The following VPS41 variants were observed in gnomAD, a reference collection of about 807,000 sequenced individuals.
VPS41 encodes the protein vacuolar protein sorting-associated protein 41 homolog.
A neutral mutation model predicts 130.9 loss-of-function variants in VPS41; 85 were observed. The observed-to-expected ratio is 0.65, with a 90% confidence interval of 0.55 to 0.78. The LOEUF is 0.78. VPS41 is among the 30% of genes least tolerant of loss of function. The pLI is 0.00. For missense variants in VPS41, 874 were observed against 1,018.7 expected, an observed-to-expected ratio of 0.86 and a Z score of 1.93; for synonymous variants, 335 against 332.9, an observed-to-expected ratio of 1.01 and a Z score of -0.07.
At chr7:38,764,940 G>A (rs948147997) in intron 16 of VPS41, among the ~76,000 whole-genome samples, 2 of 152,136 alleles carry the variant, frequency 1.3e-5, no homozygotes, top group Non-Finnish European at 2.9e-5. Flanking sequence ...TAAACCCAAT[G>A]AGAAGTGTAA....
intron 4 of VPS41, among the ~76,000 whole-genome samples, chr7:38,855,949 A>T (rs1392510687): frequency 6.6e-6 from 1 of 152,154 alleles, no homozygotes; most frequent in African/African-American, 2.4e-5. Context: ...AAATTCTCCT[A>T]GTTTTGGAGA....
At chr7:38,850,136 T>C (rs2116260060) in intron 4 of VPS41, among the ~76,000 whole-genome samples, 1 of 152,386 alleles carries the variant, frequency 6.6e-6, no homozygotes, top group Non-Finnish European at 1.5e-5. Flanking sequence ...AAACTTTCTA[T>C]GCCTTCCACC....
chr7:38,821,269 C>A lies in VPS41; in HGVS notation c.322-4G>T. On this transcript the variant is annotated splice_polypyrimidine_tract_variant and splice_region_variant and intron_variant, in intron 5 of 28. Transcript: ENST00000310301. ...AATACAGTCCAAATACCTGCACCTA[C>A]AAAGAAAATGGATTGTATCAGCTCA... is the stretch of plus-strand genomic sequence containing the variant. The A allele has an allele frequency of 6.2e-7, 1 of 1,612,136 alleles. No individual in the cohort carries two copies. The highest frequency in any genetic ancestry group is 8.5e-7 in the Non-Finnish European group (1 of 1,178,502).
chr7:38,746,794 ACCTGCCTCTG>A (rs1795993650), intron 22 of VPS41, among the ~76,000 whole-genome samples: 1 of 152,088 alleles, frequency 6.6e-6, no homozygotes, highest in Admixed American at 6.6e-5. Flanking sequence ...GTGCAGCTTC[ACCTGCCTCTG>A]CTCACCTCTC....
At chr7:38,784,153 T>C (rs1784398513) in intron 10 of VPS41, among the ~76,000 whole-genome samples, 1 of 152,230 alleles carries the variant, frequency 6.6e-6, no homozygotes, top group Non-Finnish European at 1.5e-5. Context: ...TAATGAACAT[T>C]ACTATGCTGT....
chr7:38,791,984 C>T (rs772744647), intron 9 of VPS41, among the ~76,000 whole-genome samples: 12 of 152,070 alleles, frequency 7.9e-5, no homozygotes, highest in Non-Finnish European at 1.5e-4. Context: ...TATGTTTAAT[C>T]CAGAGATGAG....
At chr7:38,754,520 C>CAG (rs1299441298) in intron 21 of VPS41, among the ~76,000 whole-genome samples, 182 bp downstream of exon 21, 2 of 152,136 alleles carry the variant, frequency 1.3e-5, no homozygotes, top group Non-Finnish European at 2.9e-5. Context: ...TAATCCCTGA[C>CAG]CTTGAATTCA....
chr7:38,765,668 G>A lies in VPS41; in HGVS notation c.1248-7C>T. The A allele has an allele frequency of 6.3e-7, 1 of 1,576,118 alleles. No individual in the cohort carries two copies. Among genetic ancestry groups the A allele is most frequent in the South Asian group, 1.2e-5 (1 of 85,034 alleles). On this transcript the variant is annotated splice_region_variant and splice_polypyrimidine_tract_variant and intron_variant, in intron 15 of 28. Transcript: ENST00000310301. ...AAGAATTTTCTGGCATTTGCTGGCAGTAAAAACATCCCAGGCAGAAAGAAA... is the reference window on the plus strand; with the variant it reads ...AAGAATTTTCTGGCATTTGCTGGCAATAAAAACATCCCAGGCAGAAAGAAA...
chr7:38,872,533 C>T (rs991844708), intron 2 of VPS41, among the ~76,000 whole-genome samples: 7 of 152,070 alleles, frequency 4.6e-5, no homozygotes, highest in Admixed American at 3.9e-4. Flanking sequence ...CTGTTTATTT[C>T]GGATGCAAGT....
At chr7:38,776,449 G>A (rs990730033) in intron 11 of VPS41, among the ~76,000 whole-genome samples, 2 of 151,660 alleles carry the variant, frequency 1.3e-5, no homozygotes, top group Admixed American at 6.6e-5. Context: ...AAGAGAGGTC[G>A]AAAAAAAAGA....
chr7:38,856,061 G>C (rs9987069), intron 4 of VPS41, among the ~76,000 whole-genome samples: 31,543 of 152,084 alleles, frequency 0.21, 4,429 homozygotes, highest in Non-Finnish European at 0.31. Context: ...CCGGCAGGAA[G>C]GGGGAGGAAG....
At chr7:38,856,036 T>G (rs1785975326) in intron 4 of VPS41, among the ~76,000 whole-genome samples, 2 of 152,204 alleles carry the variant, frequency 1.3e-5, no homozygotes, top group African/African-American at 4.8e-5. Context: ...GCCTTCCCGC[T>G]GTGTCCTTAT....
intron 4 of VPS41, among the ~76,000 whole-genome samples, chr7:38,842,048 A>G (rs1785619207): frequency 6.6e-6 from 1 of 152,184 alleles, no homozygotes; most frequent in Non-Finnish European, 1.5e-5. Flanking sequence ...CTCTGTGTCA[A>G]ATTGTCAATT....
chr7:38,761,474 G>A (rs1320452253), intron 17 of VPS41, among the ~76,000 whole-genome samples: 1 of 150,742 alleles, frequency 6.6e-6, no homozygotes, highest in East Asian at 2.0e-4. Flanking sequence ...TAGTAGAGAC[G>A]GGGTTTAACC....
chr7:38,893,575 G>A (rs983634293), intron 2 of VPS41, among the ~76,000 whole-genome samples: 1 of 152,182 alleles, frequency 6.6e-6, no homozygotes, highest in African/African-American at 2.4e-5. Context: ...CAATATCAAG[G>A]TGAAATAAAC....
chr7:38,798,939 C>A (rs1397046485), intron 7 of VPS41, among the ~76,000 whole-genome samples: 2 of 152,042 alleles, frequency 1.3e-5, no homozygotes, highest in Non-Finnish European at 1.5e-5. Flanking sequence ...TTAACTCATT[C>A]CCCCAGAAAA....
intron 3 of VPS41, among the ~76,000 whole-genome samples, chr7:38,866,083 A>C (rs1440443812): frequency 6.6e-6 from 1 of 152,176 alleles, no homozygotes; most frequent in African/African-American, 2.4e-5. Context: ...CAAAGAAAAG[A>C]GCTCCAGATG....
chr7:38,827,832 A>G lies in VPS41; in HGVS notation c.321+2422T>C, dbSNP rs190077061. Among the ~76,000 whole-genome samples the G allele has an allele frequency of 2.6e-3, 392 of 152,356 alleles. 2 individuals carry two copies. Among genetic ancestry groups the G allele is most frequent in the African/African-American group, 9.1e-3 (379 of 41,584 alleles). On this transcript the variant is annotated intron_variant, in intron 5 of 28. Coordinates refer to ENST00000310301, the MANE Select transcript of VPS41 (RefSeq NM_014396.4). ...ACTAAACTTTTCTGAAATGAAAACA[A>G]TACTTCAGTGTATGGATCAAAAGGA...
intron 12 of VPS41, among the ~76,000 whole-genome samples, chr7:38,773,129 C>T (rs546186123): frequency 2.0e-5 from 3 of 152,286 alleles, no homozygotes; most frequent in East Asian, 1.9e-4. Context: ...GTTTCCTCCT[C>T]ATCAAGGTCA....
Sources: gnomAD v4.1 joint callset for allele counts (sites outside exome capture counted in the v4.1 genomes callset) on GRCh38, gnomAD v4.1.1 for gene constraint, MANE v1.5 for transcripts, NCBI Gene and HGNC (gene_info 2026-07-23, HGNC 2026-07-21) for gene names.